The following KCNQ4 variants were observed in gnomAD, a reference collection of about 807,000 sequenced individuals.
KCNQ4 encodes potassium voltage-gated channel subfamily KQT member 4.
Under a neutral mutation model 72.6 loss-of-function variants are expected in KCNQ4, and 31 were observed. The observed-to-expected ratio is 0.43, with a 90% confidence interval of 0.32 to 0.58. The LOEUF (loss-of-function observed/expected upper bound fraction) is 0.58. Ranked by LOEUF, KCNQ4 falls within the 20% of genes least tolerant of loss-of-function variation. The pLI is 0.08. For missense variants in KCNQ4, 869 were observed against 962.6 expected (o/e 0.90, Z 1.29); for synonymous variants, 405 against 403.7 (o/e 1.00, Z -0.04).
rs141222961 is a variant in KCNQ4, at chr1:40,822,443, G to A, written c.1130+41G>A. The A allele has an allele frequency of 1.4e-4, 203 of 1,431,864 alleles. 3 individuals carry two copies. In the East Asian group the frequency reaches 4.5e-3, roughly 32 times the overall value. 88.7% of individuals were successfully genotyped at this position (1,431,864 alleles called of 1,614,324 possible). A position where few individuals can be genotyped will look rare whatever the true frequency, so the allele number is the denominator to read the frequency against. ...GGTGGGGGTGGGTGGGGGGCTGGCA[G>A]CAATGCCCTTTGAGGACAAGTGGCT... On this transcript the variant is annotated intron_variant, in intron 8 of 13. Coordinates refer to ENST00000347132, the MANE Select transcript of KCNQ4 (RefSeq NM_004700.4).
At position 40,788,169 on chromosome 1, in the gene KCNQ4, A is replaced by G. The variant is rs527807746; in HGVS notation, c.314+3762A>G. On this transcript the variant is annotated intron_variant, in intron 1 of 13. Transcript: ENST00000347132. This position sits in a 1 kb window ranked among gnomAD's most constrained non-coding sequence, Gnocchi z 4.5. Reference sequence around the variant, plus strand: ...CCTGGGTTGGAAATCATCCCAGCAAAGTGTCCTCAGAACCCTCAGGCATCC... The same window carrying G: ...CCTGGGTTGGAAATCATCCCAGCAAGGTGTCCTCAGAACCCTCAGGCATCC... 6.6e-6 allele frequency among the ~76,000 whole-genome samples: 1 copy of G among 152,288 alleles called. No individual in the cohort carries two copies. The highest frequency in any genetic ancestry group is 2.4e-5 in the African/African-American group (1 of 41,544).
chr1:40,806,935 A>C (rs1647782772), intron 1 of KCNQ4, among the ~76,000 whole-genome samples: 1 of 152,122 alleles, frequency 6.6e-6, no homozygotes, highest in African/African-American at 2.4e-5. Context: ...TGTGGCGGCC[A>C]GGAGAGTGCT....
chr1:40,819,444 C>A lies in KCNQ4; in HGVS notation c.806C>A (p.Ser269Tyr), dbSNP rs771549225. 6.2e-7 allele frequency: 1 copy of A among 1,613,778 alleles called. No homozygotes were observed. The change falls in exon 5 of 14, where the codon TCC becomes TAC. Residue 269 changes from serine to tyrosine, a missense_variant. By Grantham distance (144) the Ser-to-Tyr change is moderately radical. Around this residue, in one of 5 missense-constraint regions of KCNQ4, gnomAD observed 179 missense variants for 243.0 expected, o/e 0.74. Coordinates refer to ENST00000347132, the MANE Select transcript of KCNQ4 (RefSeq NM_004700.4). Reference protein sequence around the residue: ...AEKDANSDFSSYADSLWWGTI... With the variant: ...AEKDANSDFSYYADSLWWGTI... ...AAGGACGCCAACTCCGACTTCTCCT[C>A]CTACGCCGACTCGCTCTGGTGGGGG...
At chr1:40,803,550 A>T (rs1055615837) in intron 1 of KCNQ4, among the ~76,000 whole-genome samples, 1 of 152,156 alleles carries the variant, frequency 6.6e-6, no homozygotes, top group African/African-American at 2.4e-5. Flanking sequence ...GGAGGAAACT[A>T]AGAAGAGTAT....
intron 1 of KCNQ4, among the ~76,000 whole-genome samples, chr1:40,803,422 G>C (rs1647643349): frequency 6.6e-6 from 1 of 152,298 alleles, no homozygotes; most frequent in East Asian, 1.9e-4. Flanking sequence ...CTGTGTCCAC[G>C]CCCTTCTGCT....
chr1:40,817,471 C>A lies in KCNQ4; in HGVS notation c.405+116C>A, dbSNP rs1165570785. On this transcript the variant is annotated intron_variant, in intron 2 of 13. Coordinates refer to ENST00000347132, the MANE Select transcript of KCNQ4 (RefSeq NM_004700.4). This position sits in a 1 kb window ranked among gnomAD's most constrained non-coding sequence, Gnocchi z 5.5. ...GCACCTCTGGGCTGGGAGTCCGGGA[C>A]TGAAGGGGGCTGTGTGAGGTAGCAC... 1 of 683,146 alleles carries A rather than the reference C, an allele frequency of 1.5e-6. No individual in the cohort carries two copies. The highest frequency in any genetic ancestry group is 1.9e-5 in the South Asian group (1 of 53,470). The allele number at this position is 683,146 out of a possible 1,614,324, so 42.3% of individuals were successfully genotyped here.
chr1:40,823,056 G>A (rs1271278000), intron 8 of KCNQ4, among the ~76,000 whole-genome samples: 1 of 152,264 alleles, frequency 6.6e-6, no homozygotes, highest in Non-Finnish European at 1.5e-5. Flanking sequence ...GGTCCCACGG[G>A]CAGGCGGGCA....
intron 1 of KCNQ4, among the ~76,000 whole-genome samples, chr1:40,801,768 GC>G (rs1204149765): frequency 1.3e-5 from 2 of 152,192 alleles, no homozygotes; most frequent in East Asian, 3.9e-4. Flanking sequence ...GGGGTCCCAT[GC>G]CCAGGATGCC....
chr1:40,814,474 C>T (rs988035633), intron 1 of KCNQ4, among the ~76,000 whole-genome samples: 5 of 152,084 alleles, frequency 3.3e-5, no homozygotes, highest in Non-Finnish European at 7.4e-5. Context: ...GAGGCAGAGG[C>T]GGGAGGATCA....
rs149829807 is a variant in KCNQ4, at chr1:40,786,745, G to A, written c.314+2338G>A. On this transcript the variant is annotated intron_variant, in intron 1 of 13. Transcript: ENST00000347132. ...ACCTTGCGGCCTCTCTCTTGGATGA[G>A]GTAATAGAGTGGGAAAGAGCTTGGT... Among the ~76,000 whole-genome samples the A allele has an allele frequency of 5.3e-5, 8 of 152,240 alleles. No homozygotes were observed. The East Asian group carries it at 1.5e-3, about 29-fold the overall frequency.
At position 40,784,957 on chromosome 1, in the gene KCNQ4, C is replaced by T. The variant is rs1034659604; in HGVS notation, c.314+550C>T. Among the ~76,000 whole-genome samples the T allele has an allele frequency of 7.2e-5, 11 of 152,212 alleles. No homozygotes were observed. Among genetic ancestry groups the T allele is most frequent in the East Asian group, 1.9e-4 (1 of 5,172 alleles). On this transcript the variant is annotated intron_variant, in intron 1 of 13. Coordinates refer to ENST00000347132, the MANE Select transcript of KCNQ4 (RefSeq NM_004700.4). This position sits in a 1 kb window ranked among gnomAD's most constrained non-coding sequence, Gnocchi z 4.1. Reference sequence around the variant, plus strand: ...GGGGGTCCCTGTGGGCCCCCTGGGCCCTGACACTCGCATATGCTGTGTCCG... The same window carrying T: ...GGGGGTCCCTGTGGGCCCCCTGGGCTCTGACACTCGCATATGCTGTGTCCG...
chr1:40,810,265 C>T (rs1167015438), intron 1 of KCNQ4, among the ~76,000 whole-genome samples: 2 of 152,168 alleles, frequency 1.3e-5, no homozygotes. Context: ...CCTGCTTCCT[C>T]TGCCTGGGGC....
chr1:40,802,262 C>T (rs1647600964), intron 1 of KCNQ4, among the ~76,000 whole-genome samples: 1 of 151,410 alleles, frequency 6.6e-6, no homozygotes, highest in Admixed American at 6.6e-5. Context: ...GCCGAGGCGG[C>T]GGTGGCGTCG....
intron 1 of KCNQ4, among the ~76,000 whole-genome samples, chr1:40,814,540 C>T (rs1648027741): frequency 1.3e-5 from 2 of 151,892 alleles, no homozygotes; most frequent in Admixed American, 6.6e-5. Flanking sequence ...CCCATCTCTA[C>T]AAAAAATTTA....
At chr1:40,829,378 T>C (rs1400264292) in intron 9 of KCNQ4, among the ~76,000 whole-genome samples, 3 of 152,118 alleles carry the variant, frequency 2.0e-5, no homozygotes, top group Non-Finnish European at 4.4e-5. Flanking sequence ...GTGGAGAGCA[T>C]GCTGGATAGT....
At chr1:40,791,266 C>T (rs563018634) in intron 1 of KCNQ4, among the ~76,000 whole-genome samples, 5 of 152,258 alleles carry the variant, frequency 3.3e-5, no homozygotes, top group East Asian at 1.9e-4. Flanking sequence ...GGCACACAGT[C>T]GTGGTGGGCA....
intron 12 of KCNQ4, among the ~76,000 whole-genome samples, chr1:40,837,374 T>C (rs1223528145): frequency 7.2e-5 from 11 of 152,272 alleles, no homozygotes; most frequent in Admixed American, 5.2e-4. Context: ...ATTATAGGCA[T>C]GCGCCACTGC....
intron 1 of KCNQ4, among the ~76,000 whole-genome samples, chr1:40,798,354 C>T (rs925494683): frequency 8.5e-5 from 13 of 152,300 alleles, no homozygotes; most frequent in African/African-American, 1.4e-4. Context: ...TTTCACATCT[C>T]GAGCCTTAGC....
chr1:40,826,086 G>A (rs1571286), intron 9 of KCNQ4, among the ~76,000 whole-genome samples: 141,707 of 152,230 alleles, frequency 0.93, 66,180 homozygotes, highest in East Asian at 1. Context: ...CCCAATGGCC[G>A]TATCGTTAAT....
Sources: gnomAD v4.1 joint callset for allele counts (sites outside exome capture counted in the v4.1 genomes callset) on GRCh38, gnomAD v4.1.1 for gene constraint, gnomAD v4.1.1 regional missense constraint, Gnocchi (gnomAD v3.1) non-coding constraint, MANE v1.5 for transcripts, NCBI Gene and HGNC (gene_info 2026-07-23, HGNC 2026-07-21) for gene names.